ZNF529: variants seen among roughly 807,000 people sequenced by gnomAD.
ZNF529 encodes the protein zinc finger protein 529.
ZNF529 carries 11 observed loss-of-function variants against 10.1 expected under a neutral mutation model. The ratio of observed to expected loss-of-function variants is 1.09; its 90% CI spans 0.69 to 1.81. ZNF529 has a LOEUF of 1.81. ZNF529 is among the 40% of genes most tolerant of loss of function. ZNF529 has a pLI of 0.00. For missense variants in ZNF529, 624 were observed against 666.8 expected, an observed-to-expected ratio of 0.94 and a Z score of 0.71; for synonymous variants, 204 against 215.7, an observed-to-expected ratio of 0.95 and a Z score of 0.47.
In ZNF529 at chr19:36,548,257, A is replaced by G. The variant is rs17855922; in HGVS notation, c.301T>C (p.Ser101Pro). Residue 101 changes from serine (S) to proline (P), a missense_variant, in exon 5 of 5, where the codon TCT (serine) becomes CCT (proline). Ser to Pro is a moderately conservative substitution (Grantham distance 74). Coordinates refer to ENST00000591340, the MANE Select transcript of ZNF529 (RefSeq NM_020951.5). ...VGKDIIQNTG[S>P]QWEVMESSKL... ...CTACTTTCCATTACCTCCCACTGAG[A>G]ACCAGTGTTTTGAATAATATCTTTT... The G allele has an allele frequency of 6.2e-7, 1 of 1,613,368 alleles. No homozygotes were observed. Among genetic ancestry groups the G allele is most frequent in the Non-Finnish European group, 8.5e-7 (1 of 1,179,584 alleles).
chr19:36,592,368 C>G (rs910492955), intron 1 of ZNF529, among the ~76,000 whole-genome samples: 2 of 148,244 alleles, frequency 1.3e-5, no homozygotes, highest in Non-Finnish European at 3.0e-5. Context: ...CCAAGGCGGG[C>G]GGACTGCCTG....
At chr19:36,600,915 A>G (rs1240338113) in intron 1 of ZNF529, among the ~76,000 whole-genome samples, 3 of 152,224 alleles carry the variant, frequency 2.0e-5, no homozygotes, top group Non-Finnish European at 4.4e-5. Flanking sequence ...ATCAGTTCAC[A>G]AGCCATACAA....
chr19:36,558,991 A>G (rs1178481535), intron 2 of ZNF529, among the ~76,000 whole-genome samples: 1 of 152,030 alleles, frequency 6.6e-6, no homozygotes, highest in African/African-American at 2.4e-5. Context: ...ACATTTTTGC[A>G]AAGAAGATAT....
In ZNF529 at chr19:36,554,703, T is replaced by C. The variant is rs2035396753; in HGVS notation, c.202A>G (p.Met68Val). The change falls in exon 4 of 5, where the codon ATG becomes GTG. Residue 68 changes from methionine to valine, a missense_variant. Transcript: ENST00000591340. ...SAQRNLYWDV[M>V]MENYSNLLSL... ...AGTAAGTTGCTGTAGTTCTCCATCA[T>C]CACATCCCAGTACAAGTTCCTCTGA... 1 of 1,572,572 alleles carries C rather than the reference T, an allele frequency of 6.4e-7. No individual in the cohort carries two copies.
intron 2 of ZNF529, among the ~76,000 whole-genome samples, chr19:36,588,927 T>C (rs907637146): frequency 6.8e-6 from 1 of 146,474 alleles, no homozygotes; most frequent in African/African-American, 2.6e-5. Context: ...AAAGAGGGGG[T>C]TGTGAGAACC....
intron 1 of ZNF529, among the ~76,000 whole-genome samples, chr19:36,601,221 G>A (rs1458129973): frequency 6.7e-6 from 1 of 148,928 alleles, no homozygotes; most frequent in East Asian, 2.0e-4. Context: ...CTCTGCCTCA[G>A]CCTCCCTGAG....
intron 2 of ZNF529, among the ~76,000 whole-genome samples, chr19:36,586,997 G>T (rs1465378526): frequency 6.6e-6 from 1 of 152,224 alleles, no homozygotes; most frequent in Non-Finnish European, 1.5e-5. Context: ...GGGCGTGGTG[G>T]CTCACGCCGG....
intron 4 of ZNF529, 32 bp downstream of exon 4, chr19:36,554,638 T>C (rs1321376477): frequency 2.0e-6 from 3 of 1,503,830 alleles, no homozygotes; most frequent in Admixed American, 2.1e-5. Context: ...CTAGAGAGTA[T>C]ATTCTAAGTT....
chr19:36,573,365 C>T (rs3096618), upstream of ZNF529: 157,249 of 449,364 alleles, frequency 0.35, 28,645 homozygotes, highest in South Asian at 0.41. Context: ...AGTCCAACAA[C>T]GAAAGAGCCC....
chr19:36,564,684 T>C (rs1295150524), intron 2 of ZNF529, among the ~76,000 whole-genome samples: 1 of 152,186 alleles, frequency 6.6e-6, no homozygotes, highest in Non-Finnish European at 1.5e-5. Context: ...GGGATGCAGT[T>C]TGGAGATTTC....
At chr19:36,565,434 G>C (rs2035859807) in intron 2 of ZNF529, among the ~76,000 whole-genome samples, 1 of 152,180 alleles carries the variant, frequency 6.6e-6, no homozygotes, top group Non-Finnish European at 1.5e-5. Context: ...CGGGCGCGGT[G>C]GCTCACACCT....
At chr19:36,552,424 C>CA (rs1285956813) in intron 4 of ZNF529, among the ~76,000 whole-genome samples, 2 of 151,914 alleles carry the variant, frequency 1.3e-5, no homozygotes, top group Non-Finnish European at 2.9e-5. Context: ...GAGACTGTCT[C>CA]AAAAAAATCA....
rs74450408 is a variant in ZNF529 at position 36,569,406 on chromosome 19, C to A, written c.14+2927G>T. 5.5e-3 allele frequency among the ~76,000 whole-genome samples: 839 copies of A among 152,196 alleles called. 23 individuals are homozygous for A. The highest frequency in any genetic ancestry group is 0.037 in the Admixed American group (570 of 15,298). ...GAGCTAAAGGAAAACAGAGAAAGAA[C>A]TAAAAAGGAAATCACGAAAATGACA... On this transcript the variant is annotated intron_variant, in intron 2 of 4. Coordinates refer to ENST00000591340, the MANE Select transcript of ZNF529 (RefSeq NM_020951.5).
At chr19:36,562,650 A>G (rs930161354) in intron 2 of ZNF529, among the ~76,000 whole-genome samples, 4 of 151,866 alleles carry the variant, frequency 2.6e-5, no homozygotes, top group South Asian at 2.1e-4. Flanking sequence ...CCTGGCTAAC[A>G]GGGTGAAACC....
intron 2 of ZNF529, among the ~76,000 whole-genome samples, chr19:36,556,848 A>C (rs1469442947): frequency 6.6e-6 from 1 of 152,216 alleles, no homozygotes; most frequent in Non-Finnish European, 1.5e-5. Context: ...ATTGCTCCTC[A>C]AAGGAACTGA....
chr19:36,590,201 T>C (rs965645982), intron 1 of ZNF529, among the ~76,000 whole-genome samples: 26 of 151,962 alleles, frequency 1.7e-4, no homozygotes, highest in Admixed American at 1.2e-3. Context: ...AAACCTCATA[T>C]CTACAAAATA....
chr19:36,579,784 A>G (rs1440610229), intron 2 of ZNF529, among the ~76,000 whole-genome samples: 4 of 152,224 alleles, frequency 2.6e-5, no homozygotes, highest in Admixed American at 1.3e-4. Context: ...GGACTAGGAC[A>G]TTACTGTATA....
At chr19:36,584,078 A>C (rs1186818247) in intron 2 of ZNF529, among the ~76,000 whole-genome samples, 1 of 152,140 alleles carries the variant, frequency 6.6e-6, no homozygotes, top group Non-Finnish European at 1.5e-5. Flanking sequence ...CATCACAGTG[A>C]TAATGCAAAA....
chr19:36,555,926 T>C (rs1455887120), intron 3 of ZNF529, among the ~76,000 whole-genome samples, 178 bp downstream of exon 3: 2 of 152,050 alleles, frequency 1.3e-5, no homozygotes, highest in Non-Finnish European at 2.9e-5. Context: ...CACATAGGAG[T>C]GTTGAACATT....
Sources: gnomAD v4.1 joint callset for allele counts (sites outside exome capture counted in the v4.1 genomes callset) on GRCh38, gnomAD v4.1.1 for gene constraint, MANE v1.5 for transcripts, NCBI Gene and HGNC (gene_info 2026-07-23, HGNC 2026-07-21) for gene names.